The following GALNT12 variants were observed in gnomAD, a reference collection of about 807,000 sequenced individuals.
GALNT12 encodes the protein UDP-GalNAc:polypeptide N-acetylgalactosaminyltransferase 12.
A neutral mutation model predicts 55.5 loss-of-function variants in GALNT12; 45 were observed. The observed-to-expected ratio is 0.81, with a 90% confidence interval of 0.64 to 1.04. GALNT12 has a LOEUF of 1.04. Among genes scored for constraint, GALNT12 ranks in the 50% least tolerant of loss-of-function variants. The pLI is 0.00. For missense variants in GALNT12, 709 were observed against 754.8 expected (o/e 0.94, Z 0.71); for synonymous variants, 304 against 312.2 (o/e 0.97, Z 0.28).
Position 98,823,386 on chromosome 9 carries a change from C to T in GALNT12, c.502C>T (p.Leu168=). 6.2e-7 allele frequency: 1 copy of T among 1,614,162 alleles called. No homozygotes were observed. Among genetic ancestry groups the T allele is most frequent in the South Asian group, 1.1e-5 (1 of 91,086 alleles). ...CCTTGAGACATCCCCGGATATCCTG[C>T]TAGAAGAAGTGATCCTTGTAGATGA... ...SVLETSPDIL[L]EEVILVDDYS... Residue 168 remains leucine, a synonymous_variant, in exon 2 of 10, where the codon CTA becomes TTA. Coordinates refer to ENST00000375011, the MANE Select transcript of GALNT12 (RefSeq NM_024642.5).
intron 1 of GALNT12, among the ~76,000 whole-genome samples, chr9:98,821,606 C>T (rs1468447508): frequency 1.1e-5 from 1 of 89,114 alleles, no homozygotes; most frequent in East Asian, 3.7e-4. Context: ...GCCTGGGCAA[C>T]AGAGCGAGAC....
At chr9:98,844,002 C>G (rs1836355631) in intron 7 of GALNT12, 94 bp from the exon 8 acceptor site, 2 of 825,344 alleles carry the variant, frequency 2.4e-6, no homozygotes, top group South Asian at 1.4e-5. Flanking sequence ...GAAGCAGGCT[C>G]TCCTCTCATG....
chr9:98,839,941 CAG>C (rs1184855177), intron 6 of GALNT12, 59 bp from the exon 7 acceptor site: 13 of 1,608,380 alleles, frequency 8.1e-6, no homozygotes, highest in African/African-American at 5.3e-5. Context: ...TCAGTGAACA[CAG>C]GGGCTTTGAA....
At chr9:98,830,010 A>T (rs1835955205) in intron 3 of GALNT12, among the ~76,000 whole-genome samples, 1 of 152,234 alleles carries the variant, frequency 6.6e-6, no homozygotes, top group Non-Finnish European at 1.5e-5. Context: ...TTGCAGGATC[A>T]TATGGTAGCT....
In GALNT12 at chr9:98,831,733, T is replaced by A; in HGVS notation, c.732-39T>A. 1 of 1,613,268 alleles carries A rather than the reference T, an allele frequency of 6.2e-7. No individual in the cohort carries two copies. Among genetic ancestry groups the A allele is most frequent in the Non-Finnish European group, 8.5e-7 (1 of 1,179,290 alleles). On this transcript the variant is annotated intron_variant, in intron 3 of 9. Coordinates refer to ENST00000375011, the MANE Select transcript of GALNT12 (RefSeq NM_024642.5). ...CCCAATTGTCTTCCTGCTGCCCGTCTGCATAGGAGAGACGGATGGATGTCT... is the reference window on the plus strand; with the variant it reads ...CCCAATTGTCTTCCTGCTGCCCGTCAGCATAGGAGAGACGGATGGATGTCT...
chr9:98,826,152 G>A (rs549056556), intron 2 of GALNT12, among the ~76,000 whole-genome samples: 6 of 152,168 alleles, frequency 3.9e-5, no homozygotes, highest in South Asian at 4.2e-4. Context: ...TAGCCTCTCC[G>A]GCCTCAGTGC....
chr9:98,849,361 TA>T lies in GALNT12; in HGVS notation c.*273del, dbSNP rs1836497866. 1.7e-6 allele frequency: 1 copy of T among 576,406 alleles called. No homozygotes were observed. The highest frequency in any genetic ancestry group is 1.9e-5 in the African/African-American group (1 of 53,660). The allele number at this position is 576,406 out of a possible 1,614,324, so 35.7% of individuals were successfully genotyped here. A position where few individuals can be genotyped will look rare whatever the true frequency, so the allele number is the denominator to read the frequency against. ...TGTTAACCCTTGGTATTTAGAAAAT[TA>T]AAACCTTATAATATTTTTCTATCAA... On this transcript the variant is annotated 3_prime_UTR_variant, in exon 10 of 10. Transcript: ENST00000375011.
chr9:98,814,650 C>T (rs1285212575), intron 1 of GALNT12, among the ~76,000 whole-genome samples: 1 of 149,338 alleles, frequency 6.7e-6, no homozygotes, highest in African/African-American at 2.5e-5. Context: ...GCAGAGGTGG[C>T]AGTGAGCCAA....
chr9:98,844,074 G>A (rs1836357314), intron 7 of GALNT12, 22 bp from the exon 8 acceptor site: 1 of 1,523,034 alleles, frequency 6.6e-7, no homozygotes, highest in Admixed American at 1.7e-5. Context: ...GGACTGAAAT[G>A]CCACATTTAT....
rs1237226126 is a variant in GALNT12, at chr9:98,826,866, C to A, written c.656C>A (p.Ala219Glu). Residue 219 changes from alanine to glutamate, a missense_variant, in exon 3 of 10, where the codon GCG (alanine) becomes GAG (glutamate). Ala to Glu is a moderately radical substitution (Grantham distance 107, BLOSUM62 -1). This residue lies in a region of GALNT12 where 315 missense variants were observed against 288.6 expected (regional missense o/e 1.09). Transcript: ENST00000375011. ...GCCCGGCTGCTGGGGGCGTCTGCGG[C>A]GAGGGGCGATGTTCTGACCTTCCTG... ...VRARLLGASA[A>E]RGDVLTFLDC... is the part of the protein sequence containing the mutation. The A allele has an allele frequency of 2.5e-6, 4 of 1,601,182 alleles. No homozygotes were observed. The highest frequency in any genetic ancestry group is 3.4e-5 in the Admixed American group (2 of 58,290).
intron 4 of GALNT12, among the ~76,000 whole-genome samples, chr9:98,833,971 A>G (rs1450525849): frequency 6.6e-6 from 1 of 152,130 alleles, no homozygotes; most frequent in Non-Finnish European, 1.5e-5. Flanking sequence ...GGATAAACAC[A>G]CGTGAAGGTG....
intron 1 of GALNT12, among the ~76,000 whole-genome samples, chr9:98,810,614 A>G (rs1289412481): frequency 6.6e-6 from 1 of 152,198 alleles, no homozygotes; most frequent in Non-Finnish European, 1.5e-5. Flanking sequence ...GTTGGGAATG[A>G]CTAAGGGACC....
chr9:98,846,928 T>C (rs1836434612), intron 9 of GALNT12, among the ~76,000 whole-genome samples: 1 of 147,378 alleles, frequency 6.8e-6, no homozygotes, highest in African/African-American at 2.5e-5. Flanking sequence ...TAGCCAGAAA[T>C]ATTCTTTGGA....
At chr9:98,812,501 G>T (rs185804495) in intron 1 of GALNT12, among the ~76,000 whole-genome samples, 9 of 152,312 alleles carry the variant, frequency 5.9e-5, no homozygotes, top group African/African-American at 2.2e-4. Context: ...TGAGGCAGGA[G>T]AATTACTTGA....
At chr9:98,810,888 A>G (rs1835480860) in intron 1 of GALNT12, among the ~76,000 whole-genome samples, 3 of 152,142 alleles carry the variant, frequency 2.0e-5, no homozygotes, top group South Asian at 4.1e-4. Context: ...GTATTAATAT[A>G]TATTAATATA....
Position 98,823,746 on chromosome 9 carries a change from T to G in GALNT12, c.541+321T>G, listed in dbSNP as rs10987851. ...CCACCATAAGGGGTTGAGGCTTAAG[T>G]GCAAGCTTGATGGGGAGCTTTGCAG... On this transcript the variant is annotated intron_variant, in intron 2 of 9. Transcript: ENST00000375011. Among the ~76,000 whole-genome samples, 8 of 152,306 alleles carry G rather than the reference T, an allele frequency of 5.3e-5. No homozygotes were observed. In the East Asian group the frequency reaches 1.5e-3, roughly 29 times the overall value.
In GALNT12 at chr9:98,807,888, G is replaced by A. The variant is rs917032910; in HGVS notation, c.190G>A (p.Val64Ile). 8.9e-7 allele frequency: 1 copy of A among 1,119,052 alleles called. No homozygotes were observed. The highest frequency in any genetic ancestry group is 1.1e-6 in the Non-Finnish European group (1 of 916,400). 69.3% of individuals were successfully genotyped at this position (1,119,052 alleles called of 1,614,324 possible). ...RTPRPGRREP[V>I]MPRPPVPANA... Reference sequence around the variant, plus strand: ...CCCGCGCCCCGGGCGGCGCGAGCCGGTCATGCCGCGGCCGCCGGTGCCGGC... The same window carrying A: ...CCCGCGCCCCGGGCGGCGCGAGCCGATCATGCCGCGGCCGCCGGTGCCGGC... The change falls in exon 1 of 10, where the codon GTC (valine) becomes ATC (isoleucine). Residue 64 changes from valine (V) to isoleucine (I), a missense_variant. Transcript: ENST00000375011.
intron 1 of GALNT12, among the ~76,000 whole-genome samples, chr9:98,810,409 A>G (rs751317943): frequency 7.2e-5 from 11 of 152,220 alleles, no homozygotes; most frequent in Non-Finnish European, 1.2e-4. Flanking sequence ...GATTATTTCT[A>G]TGTTTATTTT....
intron 3 of GALNT12, 104 bp from the exon 4 acceptor site, chr9:98,831,668 C>G: frequency 1.6e-6 from 2 of 1,269,750 alleles, no homozygotes; most frequent in African/African-American, 2.9e-5. Flanking sequence ...GATGTTCCTC[C>G]CTCTTATTGG....
Sources: gnomAD v4.1 joint callset for allele counts (sites outside exome capture counted in the v4.1 genomes callset) on GRCh38, gnomAD v4.1.1 for gene constraint, gnomAD v4.1.1 regional missense constraint, MANE v1.5 for transcripts, NCBI Gene and HGNC (gene_info 2026-07-23, HGNC 2026-07-21) for gene names.